Variants in POR observed in about 807,000 individuals in gnomAD.
POR encodes cytochrome p450 oxidoreductase.
In POR, 56 loss-of-function variants were observed where a neutral mutation model predicts 84.0. The ratio of observed to expected loss-of-function variants is 0.67; its 90% CI spans 0.54 to 0.83. The LOEUF is 0.83. Among genes scored for constraint, POR ranks in the 40% least tolerant of loss-of-function variants. POR has a pLI of 0.00. For missense variants in POR, 938 were observed against 944.3 expected (o/e 0.99, Z 0.09); for synonymous variants, 414 against 400.5 (o/e 1.03, Z -0.40).
chr7:75,953,917 T>A, intron 1 of POR, 72 bp from the exon 2 acceptor site: 1 of 1,261,820 alleles, frequency 7.9e-7, no homozygotes, highest in Non-Finnish European at 1.1e-6. Flanking sequence ...AGCATTTAGG[T>A]GGGCACCCCA....
rs41296521 is a variant in POR at position 75,969,537 on chromosome 7, C to T, written c.189-2876C>T. ...CCCCACCTGGCTGGCCTGTGTTACC[C>T]GCCAGGCACTCACGGGGCACTGGAG... On this transcript the variant is annotated intron_variant, in intron 2 of 15. Coordinates refer to ENST00000461988, the MANE Select transcript of POR (RefSeq NM_000941.3). Among the ~76,000 whole-genome samples the T allele has an allele frequency of 6.2e-3, 945 of 152,344 alleles. 10 individuals carry two copies. The highest frequency in any genetic ancestry group is 0.039 in the South Asian group (189 of 4,834).
intron 1 of POR, among the ~76,000 whole-genome samples, chr7:75,950,522 A>T (rs1188975908): frequency 6.6e-6 from 1 of 152,078 alleles, no homozygotes; most frequent in Non-Finnish European, 1.5e-5. Flanking sequence ...GGCACTCCTG[A>T]CTGGTTCCAG....
Position 75,983,506 on chromosome 7 carries a change from T to C in POR, c.831-14T>C, listed in dbSNP as rs782174020. On this transcript the variant is annotated splice_polypyrimidine_tract_variant and intron_variant, in intron 8 of 15. Coordinates refer to ENST00000461988, the MANE Select transcript of POR (RefSeq NM_000941.3). Reference sequence around the variant, plus strand: ...GCCCCGGCCGCTCACTGTGCTTCTCTCCTCCCCACCCAGCCCCTTTGATGC... The same window carrying C: ...GCCCCGGCCGCTCACTGTGCTTCTCCCCTCCCCACCCAGCCCCTTTGATGC... 1.3e-6 allele frequency: 2 copies of C among 1,599,026 alleles called. No individual in the cohort carries two copies. Among genetic ancestry groups the C allele is most frequent in the African/African-American group, 2.7e-5 (2 of 74,370 alleles).
chr7:75,949,055 G>A (rs899745612), intron 1 of POR, among the ~76,000 whole-genome samples: 2 of 152,184 alleles, frequency 1.3e-5, no homozygotes, highest in African/African-American at 2.4e-5. Flanking sequence ...GAAGGGGAGC[G>A]TAGTAAGAAA....
chr7:75,980,608 G>A, intron 5 of POR, 120 bp downstream of exon 5: 1 of 1,599,236 alleles, frequency 6.3e-7, no homozygotes, highest in Non-Finnish European at 8.5e-7. Context: ...AGCAGCCAGG[G>A]CAGGCCACTT....
chr7:75,921,041 C>T (rs1806831198), intron 1 of POR: 1 of 152,246 alleles, frequency 6.6e-6, no homozygotes, highest in African/African-American at 2.4e-5. Flanking sequence ...TGGACGCGTT[C>T]CTTACGTAAC....
intron 1 of POR, among the ~76,000 whole-genome samples, chr7:75,931,329 T>C (rs1807406344): frequency 6.7e-6 from 1 of 150,192 alleles, no homozygotes; most frequent in Admixed American, 6.7e-5. Context: ...GGGCCACTTA[T>C]TGTGTGATTT....
intron 1 of POR, among the ~76,000 whole-genome samples, chr7:75,924,328 C>T (rs1807012136): frequency 6.6e-6 from 1 of 152,106 alleles, no homozygotes; most frequent in Non-Finnish European, 1.5e-5. Flanking sequence ...AATATTCTGA[C>T]TCTAAATCTT....
In POR at chr7:75,983,827, ACGT is replaced by A; in HGVS notation, c.1042_1044del (p.Val348del). ...GGCAAAATCCTGGGTGCCGACCTGG[ACGT>A]CGTCATGTCCCTGAACAACCTGGAT... On this transcript the variant is annotated inframe_deletion, in exon 10 of 16. Coordinates refer to ENST00000461988, the MANE Select transcript of POR (RefSeq NM_000941.3). 3 of 1,611,050 alleles carry A rather than the reference ACGT, an allele frequency of 1.9e-6. No homozygotes were observed. The highest frequency in any genetic ancestry group is 4.5e-5 in the East Asian group (2 of 44,830).
intron 1 of POR, among the ~76,000 whole-genome samples, chr7:75,919,894 AG>A (rs144836068): frequency 1.3e-3 from 196 of 152,048 alleles, no homozygotes; most frequent in African/African-American, 4.7e-3. Flanking sequence ...GGAGTGCTGG[AG>A]GGTGTGGCAT....
At chr7:75,962,215 C>T (rs1161050449) in intron 2 of POR, among the ~76,000 whole-genome samples, 3 of 152,192 alleles carry the variant, frequency 2.0e-5, no homozygotes, top group South Asian at 4.1e-4. Context: ...AAGACCCATA[C>T]ACTGCAGTTG....
chr7:75,976,294 T>C (rs1162467691), intron 3 of POR, among the ~76,000 whole-genome samples: 1 of 152,022 alleles, frequency 6.6e-6, no homozygotes, highest in Non-Finnish European at 1.5e-5. Flanking sequence ...AATACAAAAA[T>C]TAGCCGGGCG....
intron 12 of POR, 109 bp from the exon 13 acceptor site, chr7:75,985,470 G>A: frequency 2.2e-6 from 3 of 1,343,286 alleles, no homozygotes; most frequent in Non-Finnish European, 3.0e-6. Flanking sequence ...TGCCAGGTGG[G>A]CTGGAAGAGG....
rs36041813 is a variant in POR, at chr7:75,927,670, ATT to A, written c.-5+12508_-5+12509del. ...TTTATGGTGTGTGAATTCTGTCTCA[ATT>A]TTTTTTTTTTTTTTTTGAGACTGAC... On this transcript the variant is annotated intron_variant, in intron 1 of 15. Transcript: ENST00000461988. 7.1e-3 allele frequency among the ~76,000 whole-genome samples: 964 copies of A among 135,164 alleles called. 5 individuals carry two copies. The highest frequency in any genetic ancestry group is 0.027 in the Middle Eastern group (7 of 260). 88.7% of individuals were successfully genotyped at this position (135,164 alleles called of 152,430 possible).
At chr7:75,927,425 G>A (rs1322720503) in intron 1 of POR, among the ~76,000 whole-genome samples, 2 of 151,636 alleles carry the variant, frequency 1.3e-5, no homozygotes, top group Non-Finnish European at 2.9e-5. Flanking sequence ...CCACTGTACA[G>A]CAGCCTGGCT....
intron 3 of POR, among the ~76,000 whole-genome samples, chr7:75,973,074 C>T (rs1788512444): frequency 1.3e-5 from 2 of 152,198 alleles, no homozygotes; most frequent in Non-Finnish European, 2.9e-5. Context: ...CCGCCCGCCT[C>T]AGCCTCCCAA....
chr7:75,968,534 G>A (rs12537467), intron 2 of POR, among the ~76,000 whole-genome samples: 29,639 of 152,256 alleles, frequency 0.19, 3,692 homozygotes, highest in South Asian at 0.28. Context: ...GGGCCCTCTC[G>A]GGCTAAGCCC....
At chr7:75,965,391 G>A (rs1447015956) in intron 2 of POR, among the ~76,000 whole-genome samples, 2 of 152,170 alleles carry the variant, frequency 1.3e-5, no homozygotes, top group Non-Finnish European at 2.9e-5. Flanking sequence ...GAGAGGGTGA[G>A]TGACCTGGTC....
At chr7:75,941,165 A>G (rs1351590879) in intron 1 of POR, among the ~76,000 whole-genome samples, 1 of 152,144 alleles carries the variant, frequency 6.6e-6, no homozygotes, top group Non-Finnish European at 1.5e-5. Context: ...TGTGTCTCTC[A>G]AAACAAGCAA....
Sources: allele counts gnomAD v4.1 joint callset (sites outside exome capture counted in the v4.1 genomes callset), GRCh38; gene constraint gnomAD v4.1.1; transcripts MANE v1.5; gene names NCBI Gene and HGNC (gene_info 2026-07-23, HGNC 2026-07-21).